The following SLC2A9 variants were observed in gnomAD, a reference collection of about 807,000 sequenced individuals.
The protein encoded by SLC2A9 is solute carrier family 2, facilitated glucose transporter member 9.
Under a neutral mutation model 50.6 loss-of-function variants are expected in SLC2A9, and 39 were observed. That is an observed-to-expected ratio of 0.77 (90% CI 0.60 to 1.01). SLC2A9 has a LOEUF of 1.01. SLC2A9 is among the 50% of genes least tolerant of loss of function. The probability of loss-of-function intolerance (pLI) is 0.00; values close to 1 mark genes in which losing one functional copy is unlikely to be tolerated. For synonymous variants in SLC2A9, 324 were observed against 276.9 expected (o/e 1.17, Z -1.69); for missense variants, 686 against 677.6 (o/e 1.01, Z -0.14).
At chr4:9,987,937 AAAG>A (rs1006976218) in intron 3 of SLC2A9, among the ~76,000 whole-genome samples, 4 of 152,258 alleles carry the variant, frequency 2.6e-5, no homozygotes, top group African/African-American at 7.2e-5. Context: ...TGAGAAGAGA[AAAG>A]AAGAACTCAG....
intron 5 of SLC2A9, among the ~76,000 whole-genome samples, chr4:9,977,044 C>G (rs189493176): frequency 1.2e-3 from 185 of 152,324 alleles, no homozygotes; most frequent in Admixed American, 2.1e-3. Flanking sequence ...CTCTCTCCAT[C>G]CACACTGCCA....
chr4:9,879,818 GCT>G, intron 10 of SLC2A9: 1 of 985,416 alleles, frequency 1.0e-6, no homozygotes, highest in Non-Finnish European at 1.2e-6. Flanking sequence ...AAAAGGTGAA[GCT>G]CTTTTATTTT....
chr4:9,937,666 T>A (rs1351121532), intron 6 of SLC2A9, among the ~76,000 whole-genome samples: 2 of 152,128 alleles, frequency 1.3e-5, no homozygotes, highest in Non-Finnish European at 2.9e-5. Context: ...GCATGGAACG[T>A]TACACAGCCC....
At chr4:10,006,916 T>C (rs888666326) in intron 2 of SLC2A9, among the ~76,000 whole-genome samples, 3 of 151,848 alleles carry the variant, frequency 2.0e-5, no homozygotes, top group African/African-American at 7.3e-5. Flanking sequence ...GGACTCCAAG[T>C]CTCTAATGAG....
chr4:9,937,042 C>T (rs539385591), intron 6 of SLC2A9, among the ~76,000 whole-genome samples: 10 of 152,176 alleles, frequency 6.6e-5, no homozygotes, highest in Non-Finnish European at 1.3e-4. Flanking sequence ...AGAACTTCCT[C>T]CCAGCTCTCA....
chr4:9,786,246 T>A (rs1319767550), intron 3 of SLC2A9, among the ~76,000 whole-genome samples: 1 of 152,194 alleles, frequency 6.6e-6, no homozygotes, highest in African/African-American at 2.4e-5. Context: ...TATTACCCCA[T>A]TTTACAGATA....
rs1016467734 is a variant in SLC2A9 at position 9,935,427 on chromosome 4, C to T, written c.814+6486G>A. ...GGTGGTGGCAGAGCCCGAACACCTG[C>T]TTCCAGGAGCCTTGGGCCTGACACT... On this transcript the variant is annotated intron_variant, in intron 6 of 11. Transcript: ENST00000264784. 3.9e-5 allele frequency among the ~76,000 whole-genome samples: 6 copies of T among 152,358 alleles called. No individual in the cohort carries two copies. The South Asian group carries it at 1.0e-3, about 26-fold the overall frequency.
chr4:10,026,051 C>T (rs752032126), upstream of SLC2A9: 11 of 1,424,270 alleles, frequency 7.7e-6, no homozygotes, highest in Admixed American at 1.7e-5. Context: ...GCTGCTTTCT[C>T]AGATGTGCAA....
At chr4:9,876,083 T>G (rs1734275171) in intron 10 of SLC2A9, among the ~76,000 whole-genome samples, 1 of 152,202 alleles carries the variant, frequency 6.6e-6, no homozygotes, top group Non-Finnish European at 1.5e-5. Context: ...TGGCAAGAAG[T>G]CTTAAATATC....
At chr4:9,985,906 C>T (rs1756637324) in intron 3 of SLC2A9, 113 bp from the exon 4 acceptor site, 1 of 1,469,502 alleles carries the variant, frequency 6.8e-7, no homozygotes, top group Non-Finnish European at 9.4e-7. Context: ...GAGCAAGACT[C>T]AGGCACAGTG....
intron 10 of SLC2A9, among the ~76,000 whole-genome samples, chr4:9,854,607 A>G (rs918188072): frequency 1.3e-5 from 2 of 152,224 alleles, no homozygotes; most frequent in Admixed American, 6.5e-5. Context: ...AACTCATCCT[A>G]TGAGGCCAGC....
chr4:9,917,149 A>G (rs1015258475), intron 7 of SLC2A9, among the ~76,000 whole-genome samples: 1 of 152,140 alleles, frequency 6.6e-6, no homozygotes, highest in African/African-American at 2.4e-5. Flanking sequence ...AAACTGCTCG[A>G]AAGGAAGGCA....
intron 5 of SLC2A9, among the ~76,000 whole-genome samples, chr4:9,961,587 T>C (rs1752277025): frequency 6.6e-6 from 1 of 152,012 alleles, no homozygotes; most frequent in Admixed American, 6.6e-5. Context: ...CAAACCTAAA[T>C]GTAAAACCCA....
At chr4:9,833,789 G>C (rs1386971535) in intron 11 of SLC2A9, among the ~76,000 whole-genome samples, 3 of 152,168 alleles carry the variant, frequency 2.0e-5, no homozygotes, top group African/African-American at 7.2e-5. Flanking sequence ...GATTGAAATA[G>C]CTCCTGAGAA....
chr4:9,998,306 G>C (rs1030856299), intron 2 of SLC2A9, among the ~76,000 whole-genome samples: 1 of 150,756 alleles, frequency 6.6e-6, no homozygotes, highest in Non-Finnish European at 1.5e-5. Context: ...TTAGGTTCAG[G>C]TCGCTCAGAC....
intron 10 of SLC2A9, among the ~76,000 whole-genome samples, chr4:9,861,639 C>T (rs2109399801): frequency 6.6e-6 from 1 of 152,226 alleles, no homozygotes; most frequent in South Asian, 2.1e-4. Context: ...ATAGGGGCTC[C>T]TCTTGGCATA....
In SLC2A9 at chr4:9,869,968, A is replaced by C. The variant is rs376875409; in HGVS notation, c.1291+17599T>G. Among the ~76,000 whole-genome samples, 488 of 152,352 alleles carry C rather than the reference A, an allele frequency of 3.2e-3. 1 individual carries two copies. Among genetic ancestry groups the C allele is most frequent in the Middle Eastern group, 0.014 (4 of 294 alleles). On this transcript the variant is annotated intron_variant, in intron 10 of 11. Transcript: ENST00000264784. ...GAGGACCTGGGTCCTAAATGCAATC[A>C]CACATGTCCTTGTAAGAGTGTGGAA... is the stretch of plus-strand genomic sequence containing the variant.
intron 3 of SLC2A9, among the ~76,000 whole-genome samples, chr4:9,801,836 C>A (rs1033283722): frequency 1.3e-5 from 2 of 152,156 alleles, no homozygotes; most frequent in South Asian, 2.1e-4. Flanking sequence ...ATAGGGAGAC[C>A]GGCCAAAGAG....
chr4:9,949,210 C>T (rs1282866420), intron 5 of SLC2A9, among the ~76,000 whole-genome samples: 1 of 152,148 alleles, frequency 6.6e-6, no homozygotes, highest in Non-Finnish European at 1.5e-5. Flanking sequence ...TGAAGGGCCA[C>T]CCATTGCCTT....
Sources: gnomAD v4.1 joint callset for allele counts (sites outside exome capture counted in the v4.1 genomes callset) on GRCh38, gnomAD v4.1.1 for gene constraint, MANE v1.5 for transcripts, NCBI Gene and HGNC (gene_info 2026-07-23, HGNC 2026-07-21) for gene names.